Variants in RGS6 observed in about 807,000 individuals in gnomAD.
RGS6 encodes the protein regulator of G-protein signaling 6.
RGS6 carries 30 observed loss-of-function variants against 78.5 expected under a neutral mutation model. That is an observed-to-expected ratio of 0.38 (90% CI 0.29 to 0.52). RGS6 has a LOEUF of 0.52. Ranked by LOEUF, RGS6 falls within the 20% of genes least tolerant of loss-of-function variation. The pLI, the probability that RGS6 is intolerant of heterozygous loss-of-function variation, is 0.85. For synonymous variants in RGS6, 206 were observed against 206.0 expected, an observed-to-expected ratio of 1.00 and a Z score of 0.00; for missense variants, 495 against 609.7, an observed-to-expected ratio of 0.81 and a Z score of 1.98.
At chr14:71,928,428 C>T (rs2087749970), upstream of RGS6, among the ~76,000 whole-genome samples, 1 of 152,136 alleles carries the variant, frequency 6.6e-6, no homozygotes, top group African/African-American at 2.4e-5. Flanking sequence ...GTATCATCAG[C>T]TGTCAAATGT....
intron 2 of RGS6, among the ~76,000 whole-genome samples, chr14:72,328,549 G>A (rs1310469093): frequency 3.3e-5 from 5 of 152,108 alleles, no homozygotes; most frequent in South Asian, 4.1e-4. Flanking sequence ...TGAAGTGAAG[G>A]GGGTAGGCAT....
intron 4 of RGS6, among the ~76,000 whole-genome samples, chr14:72,457,083 C>CT (rs1200493173): frequency 1.2e-5 from 1 of 80,654 alleles, no homozygotes; most frequent in African/African-American, 6.4e-5. Context: ...AGACCTGTCT[C>CT]TAAAAAAAAA....
chr14:71,968,662 G>T lies in RGS6; in HGVS notation c.84+3787G>T, dbSNP rs536661497. 7.9e-5 allele frequency among the ~76,000 whole-genome samples: 12 copies of T among 152,252 alleles called. No homozygotes were observed. The South Asian group carries it at 2.5e-3, about 32-fold the overall frequency. ...GCCACTCCAATCAGTTGCCTTTCTA[G>T]CACCCTATGCGACTACCATGTTATC... On this transcript the variant is annotated intron_variant, in intron 2 of 17. Transcript: ENST00000553525.
chr14:72,147,385 C>A (rs530787609), intron 2 of RGS6, among the ~76,000 whole-genome samples: 1 of 152,186 alleles, frequency 6.6e-6, no homozygotes, highest in African/African-American at 2.4e-5. Context: ...AGAAAGCCAG[C>A]GTCTGGCAAG....
intron 2 of RGS6, among the ~76,000 whole-genome samples, chr14:72,116,024 T>C (rs1221300638): frequency 6.6e-6 from 1 of 152,220 alleles, no homozygotes; most frequent in Non-Finnish European, 1.5e-5. Flanking sequence ...TTTAAACTCC[T>C]GAATTTGTAA....
At chr14:72,590,534 C>T in the RGS6 span, among the ~76,000 whole-genome samples, 1 of 152,132 alleles carries the variant, frequency 6.6e-6, no homozygotes, top group African/African-American at 2.4e-5. Context: ...AAGACGTACC[C>T]GTAAGTTCCC....
intron 2 of RGS6, among the ~76,000 whole-genome samples, chr14:72,207,705 A>G (rs1490589586): frequency 1.3e-5 from 2 of 152,178 alleles, no homozygotes; most frequent in Middle Eastern, 3.2e-3. Context: ...TTTCTGATTC[A>G]GTTACTTCTC....
At chr14:72,297,399 T>C (rs955301669) in intron 2 of RGS6, among the ~76,000 whole-genome samples, 2 of 151,254 alleles carry the variant, frequency 1.3e-5, no homozygotes, top group African/African-American at 2.4e-5. Flanking sequence ...TTTCTAATCC[T>C]TAAACATGGT....
intron 2 of RGS6, among the ~76,000 whole-genome samples, chr14:72,278,991 C>T (rs1019914662): frequency 6.6e-6 from 1 of 152,074 alleles, no homozygotes; most frequent in Non-Finnish European, 1.5e-5. Flanking sequence ...CCAGTGTCTT[C>T]ACTTATAAGG....
chr14:72,412,836 A>G (rs573615351), intron 3 of RGS6, among the ~76,000 whole-genome samples: 3 of 152,266 alleles, frequency 2.0e-5, no homozygotes, highest in Non-Finnish European at 4.4e-5. Context: ...CCCAGTAGTC[A>G]TTCAGGAGCA....
intron 2 of RGS6, among the ~76,000 whole-genome samples, chr14:72,258,550 T>C (rs538147252): frequency 2.0e-5 from 3 of 152,344 alleles, no homozygotes; most frequent in African/African-American, 7.2e-5. Flanking sequence ...GAATTTGAAA[T>C]CTCTACTATG....
chr14:72,189,652 T>C (rs2097297379), intron 2 of RGS6, among the ~76,000 whole-genome samples: 1 of 152,156 alleles, frequency 6.6e-6, no homozygotes, highest in Admixed American at 6.5e-5. Flanking sequence ...CTCTGAAGAA[T>C]AGATTTTCGG....
chr14:72,501,093 A>G (rs2096718935), intron 13 of RGS6, among the ~76,000 whole-genome samples: 2 of 152,164 alleles, frequency 1.3e-5, no homozygotes, highest in Admixed American at 1.3e-4. Flanking sequence ...ATTCCTGCCA[A>G]TCTCAGGTGG....
intron 3 of RGS6, among the ~76,000 whole-genome samples, chr14:72,377,704 G>T (rs2085112914): frequency 6.6e-6 from 1 of 152,182 alleles, no homozygotes; most frequent in South Asian, 2.1e-4. Context: ...GCCAGGCATG[G>T]TGTAATCCCA....
intron 3 of RGS6, among the ~76,000 whole-genome samples, chr14:72,363,033 G>T (rs2081772107): frequency 6.6e-6 from 1 of 152,180 alleles, no homozygotes; most frequent in South Asian, 2.1e-4. Flanking sequence ...ACACATTTAT[G>T]TGTGTATGTA....
chr14:72,121,090 C>T (rs1041755036), intron 2 of RGS6, among the ~76,000 whole-genome samples: 7 of 152,256 alleles, frequency 4.6e-5, no homozygotes, highest in African/African-American at 1.7e-4. Flanking sequence ...CATCTCTCTC[C>T]CTCAGAGTCA....
chr14:72,560,931 G>A (rs2097666829), intron 17 of RGS6, among the ~76,000 whole-genome samples: 1 of 151,780 alleles, frequency 6.6e-6, no homozygotes, highest in South Asian at 2.1e-4. Flanking sequence ...GGAGAGGTAG[G>A]GAAAGGCAGA....
intron 2 of RGS6, among the ~76,000 whole-genome samples, chr14:72,156,237 G>A (rs957801046): frequency 6.6e-6 from 1 of 152,046 alleles, no homozygotes; most frequent in African/African-American, 2.4e-5. Flanking sequence ...ATGAGGTCAA[G>A]AGTTCGAGAA....
At chr14:72,296,583 C>A (rs566976973) in intron 2 of RGS6, among the ~76,000 whole-genome samples, 1 of 152,248 alleles carries the variant, frequency 6.6e-6, no homozygotes, top group Non-Finnish European at 1.5e-5. Flanking sequence ...ATGTTGATTG[C>A]CTTTTCTAAG....
Sources: gnomAD v4.1 joint callset for allele counts (sites outside exome capture counted in the v4.1 genomes callset) on GRCh38, gnomAD v4.1.1 for gene constraint, MANE v1.5 for transcripts, NCBI Gene and HGNC (gene_info 2026-07-23, HGNC 2026-07-21) for gene names.